LNP1: variants seen among roughly 807,000 people sequenced by gnomAD.
LNP1 encodes leukemia NUP98 fusion partner 1.
A neutral mutation model predicts 14.5 loss-of-function variants in LNP1; 12 were observed. The observed-to-expected ratio is 0.83, with a 90% CI of 0.53 to 1.34. The LOEUF (loss-of-function observed/expected upper bound fraction) is 1.34. LNP1 is among the 40% of genes most tolerant of loss of function. The pLI is 0.00. For missense variants in LNP1, 198 were observed against 210.9 expected (o/e 0.94, Z 0.38); for synonymous variants, 75 against 71.4 (o/e 1.05, Z -0.26).
rs66513332 is a variant in LNP1, at chr3:100,431,992, TTATATATATATATATATATATATATATA to T, written c.156+2141_156+2168del. ...CCTGGGTAACAGAATGAGACCTTGT[TTATATATATATATATATATATATATATA>T]TATATATATATATATATATATATAT... On this transcript the variant is annotated intron_variant, in intron 2 of 3. Transcript: ENST00000383693. Among the ~76,000 whole-genome samples, 245 of 34,716 alleles carry T rather than the reference TTATATATATATATATATATATATATATA, an allele frequency of 7.1e-3. 5 individuals carry two copies. Among genetic ancestry groups the T allele is most frequent in the Middle Eastern group, 0.024 (1 of 42 alleles). 22.8% of individuals were successfully genotyped at this position (34,716 alleles called of 152,430 possible). A position where few individuals can be genotyped will look rare whatever the true frequency, so the allele number is the denominator to read the frequency against.
At chr3:100,428,791 A>T (rs1285799903) in intron 1 of LNP1, among the ~76,000 whole-genome samples, 1 of 152,240 alleles carries the variant, frequency 6.6e-6, no homozygotes, top group African/African-American at 2.4e-5. Context: ...AATACTACAC[A>T]CAGCGTCAAC....
At chr3:100,445,531 C>G (rs557276470) in intron 2 of LNP1, among the ~76,000 whole-genome samples, 1 of 152,220 alleles carries the variant, frequency 6.6e-6, no homozygotes, top group South Asian at 2.1e-4. Flanking sequence ...GCCTGTAACT[C>G]AATGTCACAA....
At chr3:100,444,065 G>T (rs1707367384) in intron 2 of LNP1, among the ~76,000 whole-genome samples, 3 of 152,184 alleles carry the variant, frequency 2.0e-5, no homozygotes, top group Non-Finnish European at 2.9e-5. Context: ...GTTAATTCCT[G>T]CTCTGCTTGA....
chr3:100,418,006 C>T (rs544147861), intron 1 of LNP1, among the ~76,000 whole-genome samples: 11 of 150,276 alleles, frequency 7.3e-5, no homozygotes, highest in Non-Finnish European at 8.9e-5. Context: ...TGAGTTTTAT[C>T]ATATCATTTG....
chr3:100,440,445 A>G (rs2148905924), intron 2 of LNP1, among the ~76,000 whole-genome samples: 1 of 152,330 alleles, frequency 6.6e-6, no homozygotes, highest in South Asian at 2.1e-4. Context: ...GCTTTCTAAG[A>G]AGGCTGCACA....
At chr3:100,403,585 G>C (rs769311189) in intron 1 of LNP1, among the ~76,000 whole-genome samples, 1 of 151,972 alleles carries the variant, frequency 6.6e-6, no homozygotes, top group South Asian at 2.1e-4. Flanking sequence ...CTCCCTCAGC[G>C]TCCCAGTAGC....
Position 100,402,287 on chromosome 3 carries a change from A to G in LNP1, c.-186A>G, listed in dbSNP as rs1706918511. On this transcript the variant is annotated 5_prime_UTR_variant, in exon 1 of 4. The change abolishes an upstream ATG in the 5' untranslated region. Coordinates refer to ENST00000383693, the MANE Select transcript of LNP1 (RefSeq NM_001085451.2). ...GAAGCCTTACATTAAGATTTCATAA[A>G]TGATTGTTTTGCTGTTAAGTGCAAC... 6.6e-6 allele frequency: 1 copy of G among 152,244 alleles called. No homozygotes were observed. The highest frequency in any genetic ancestry group is 2.4e-5 in the African/African-American group (1 of 41,452). The allele number at this position is 152,244 out of a possible 1,614,324, so 9.4% of individuals were successfully genotyped here.
Position 100,418,354 on chromosome 3 carries a change from C to T in LNP1, c.-33-11343C>T, listed in dbSNP as rs553871815. ...ATTACAGGCATGAGCCACCATGCTC[C>T]GCTTCACATCACTTTGTAACTATCA... On this transcript the variant is annotated intron_variant, in intron 1 of 3. Coordinates refer to ENST00000383693, the MANE Select transcript of LNP1 (RefSeq NM_001085451.2). Among the ~76,000 whole-genome samples, 11 of 151,942 alleles carry T rather than the reference C, an allele frequency of 7.2e-5. No homozygotes were observed. In the South Asian group the frequency reaches 1.5e-3, roughly 20 times the overall value.
chr3:100,455,989 T>A lies in LNP1; in HGVS notation c.*63T>A. 6.5e-7 allele frequency: 1 copy of A among 1,536,498 alleles called. No homozygotes were observed. The highest frequency in any genetic ancestry group is 1.3e-5 in the South Asian group (1 of 78,968). The stretch of plus-strand genomic sequence containing the variant: ...TTTGGTTTTTTTCTTTGAGCCCCAA[T>A]TCACCATTTCAGGATGTGGATGGGG... On this transcript the variant is annotated 3_prime_UTR_variant, in exon 4 of 4. Coordinates refer to ENST00000383693, the MANE Select transcript of LNP1 (RefSeq NM_001085451.2).
rs144977801 is a variant in LNP1 at position 100,455,945 on chromosome 3, T to C, written c.*19T>C. ...TGAATAATACTCTGCTTCTGCCTCATGACATCAGATGCTACTGTTTTGGTT... is the reference window on the plus strand; with the variant it reads ...TGAATAATACTCTGCTTCTGCCTCACGACATCAGATGCTACTGTTTTGGTT... On this transcript the variant is annotated 3_prime_UTR_variant, in exon 4 of 4. Coordinates refer to ENST00000383693, the MANE Select transcript of LNP1 (RefSeq NM_001085451.2). 6.3e-7 allele frequency: 1 copy of C among 1,589,068 alleles called. No individual in the cohort carries two copies. The highest frequency in any genetic ancestry group is 1.4e-5 in the African/African-American group (1 of 73,338).
chr3:100,407,845 T>G (rs1204847612), intron 1 of LNP1, among the ~76,000 whole-genome samples: 1 of 152,220 alleles, frequency 6.6e-6, no homozygotes, highest in Non-Finnish European at 1.5e-5. Flanking sequence ...AGTTTACAGA[T>G]TCTTTTTCTG....
At chr3:100,418,595 C>T (rs577532856) in intron 1 of LNP1, among the ~76,000 whole-genome samples, 1 of 152,186 alleles carries the variant, frequency 6.6e-6, no homozygotes, top group Admixed American at 6.5e-5. Context: ...TTTGAAATTC[C>T]ACAGAGCTTC....
At chr3:100,443,909 GA>G (rs1240668832) in intron 2 of LNP1, among the ~76,000 whole-genome samples, 28 of 152,216 alleles carry the variant, frequency 1.8e-4, no homozygotes, top group Admixed American at 1.6e-3. Context: ...TTGTTCATAG[GA>G]GTATACTTTA....
intron 2 of LNP1, among the ~76,000 whole-genome samples, chr3:100,435,511 A>T (rs757045923): frequency 2.0e-5 from 3 of 152,048 alleles, no homozygotes; most frequent in Non-Finnish European, 4.4e-5. Context: ...TAAAAAAATA[A>T]TTTTTTTTAC....
intron 1 of LNP1, among the ~76,000 whole-genome samples, chr3:100,412,394 C>T (rs6791102): frequency 0.16 from 24,013 of 152,002 alleles, 3,516 homozygotes; most frequent in East Asian, 0.5. Context: ...AATTTCAGCC[C>T]GAGTTTTGGT....
At chr3:100,416,742 T>C (rs1398252947) in intron 1 of LNP1, among the ~76,000 whole-genome samples, 1 of 150,880 alleles carries the variant, frequency 6.6e-6, no homozygotes, top group African/African-American at 2.4e-5. Context: ...TTACATTAAG[T>C]TCCAGGATAC....
At chr3:100,440,925 G>T (rs1707338151) in intron 2 of LNP1, among the ~76,000 whole-genome samples, 2 of 152,210 alleles carry the variant, frequency 1.3e-5, no homozygotes, top group Admixed American at 1.3e-4. Context: ...TCCTGTGACT[G>T]AAGGATGATT....
intron 2 of LNP1, among the ~76,000 whole-genome samples, chr3:100,450,678 A>C (rs10222473): frequency 0.035 from 5,377 of 152,188 alleles, 252 homozygotes; most frequent in African/African-American, 0.11. Flanking sequence ...ACCCTAATTC[A>C]GTTCCTTACT....
At chr3:100,406,684 G>A (rs562982659) in intron 1 of LNP1, among the ~76,000 whole-genome samples, 2 of 152,138 alleles carry the variant, frequency 1.3e-5, no homozygotes, top group South Asian at 2.1e-4. Flanking sequence ...ACAGGTGCCC[G>A]CCACCATGCC....
Sources: allele counts gnomAD v4.1 joint callset (sites outside exome capture counted in the v4.1 genomes callset), GRCh38; gene constraint gnomAD v4.1.1; transcripts MANE v1.5; gene names NCBI Gene and HGNC (gene_info 2026-07-23, HGNC 2026-07-21).